The following TTLL7 variants were observed in gnomAD, a reference collection of about 807,000 sequenced individuals.
TTLL7 encodes the protein tubulin polyglutamylase TTLL7.
TTLL7 carries 53 observed loss-of-function variants against 120.2 expected under a neutral mutation model. The observed-to-expected ratio is 0.44, with a 90% CI of 0.35 to 0.55. TTLL7 has a LOEUF of 0.55. TTLL7 is among the 20% of genes least tolerant of loss of function. The probability of loss-of-function intolerance (pLI) is 0.00; values close to 1 mark genes in which losing one functional copy is unlikely to be tolerated. For synonymous variants in TTLL7, 353 were observed against 351.7 expected, an observed-to-expected ratio of 1.00 and a Z score of -0.04; for missense variants, 803 against 1,054.7, an observed-to-expected ratio of 0.76 and a Z score of 3.31.
intron 14 of TTLL7, 103 bp downstream of exon 14, chr1:83,917,501 G>T (rs1444966713): frequency 6.3e-6 from 5 of 796,682 alleles, no homozygotes; most frequent in Non-Finnish European, 1.0e-5. Flanking sequence ...CACAGTCCCT[G>T]TGGTTCCTTT....
intron 20 of TTLL7, among the ~76,000 whole-genome samples, chr1:83,880,730 G>T (rs1248358507): frequency 1.3e-5 from 2 of 151,960 alleles, no homozygotes; most frequent in African/African-American, 4.8e-5. Context: ...TCACAGAATT[G>T]GAAAAAACTA....
intron 1 of TTLL7, among the ~76,000 whole-genome samples, chr1:83,995,465 T>C (rs568603934): frequency 2.4e-4 from 36 of 151,766 alleles, no homozygotes; most frequent in Non-Finnish European, 4.3e-4. Context: ...TCACTCTCTC[T>C]CTTGCTCCTG....
At chr1:83,985,245 C>T (rs557177319) in intron 1 of TTLL7, among the ~76,000 whole-genome samples, 16 of 152,208 alleles carry the variant, frequency 1.1e-4, no homozygotes, top group Non-Finnish European at 1.9e-4. Flanking sequence ...TGGCAATTCC[C>T]TGGTGCAAGT....
intron 19 of TTLL7, among the ~76,000 whole-genome samples, chr1:83,887,930 ATAAATAC>A (rs1655097666): frequency 6.6e-6 from 1 of 152,076 alleles, no homozygotes; most frequent in Non-Finnish European, 1.5e-5. Flanking sequence ...TAAACCTTCA[ATAAATAC>A]TACTTACTAT....
At chr1:83,898,895 T>G (rs542255997) in intron 18 of TTLL7, among the ~76,000 whole-genome samples, 6 of 152,026 alleles carry the variant, frequency 3.9e-5, no homozygotes, top group South Asian at 4.1e-4. Context: ...GAAAAAATTT[T>G]TTTTAAAAAA....
At chr1:83,940,807 A>T (rs759463296) in intron 7 of TTLL7, among the ~76,000 whole-genome samples, 2 of 152,126 alleles carry the variant, frequency 1.3e-5, no homozygotes, top group Non-Finnish European at 2.9e-5. Context: ...TACTCTAATC[A>T]TTCCCATCCA....
At chr1:83,961,604 T>A (rs1453322772) in intron 1 of TTLL7, among the ~76,000 whole-genome samples, 1 of 152,098 alleles carries the variant, frequency 6.6e-6, no homozygotes, top group Non-Finnish European at 1.5e-5. Flanking sequence ...ACTCAATAAG[T>A]GGTGAATTAA....
At chr1:83,930,604 C>G (rs1469471092) in intron 9 of TTLL7, among the ~76,000 whole-genome samples, 2 of 152,140 alleles carry the variant, frequency 1.3e-5, no homozygotes. Context: ...AAGTTTCAAC[C>G]ATACTGATTC....
chr1:83,964,970 A>C (rs1489427115), intron 1 of TTLL7, among the ~76,000 whole-genome samples: 1 of 152,126 alleles, frequency 6.6e-6, no homozygotes, highest in Non-Finnish European at 1.5e-5. Context: ...TAGAAAAAAA[A>C]TGTGCATTCT....
At position 83,943,378 on chromosome 1, in the gene TTLL7, A is replaced by C. The variant is rs888404610; in HGVS notation, c.507-699T>G. Among the ~76,000 whole-genome samples the C allele has an allele frequency of 2.6e-5, 4 of 152,310 alleles. No individual in the cohort carries two copies. In the East Asian group the frequency reaches 5.8e-4, roughly 22 times the overall value. ...TCAAGAAAGACCCGAGAAGGCCCTA[A>C]GCTGTCCCCTCTGGCTAACCATCAG... On this transcript the variant is annotated intron_variant, in intron 6 of 20. Coordinates refer to ENST00000260505, the MANE Select transcript of TTLL7 (RefSeq NM_024686.6).
intron 18 of TTLL7, among the ~76,000 whole-genome samples, chr1:83,898,425 T>C (rs2100746814): frequency 6.6e-6 from 1 of 152,122 alleles, no homozygotes; most frequent in East Asian, 1.9e-4. Context: ...AAAGAAGTTC[T>C]GAGAAGTCAC....
intron 10 of TTLL7, among the ~76,000 whole-genome samples, chr1:83,927,786 T>G (rs1374905307): frequency 6.6e-6 from 1 of 152,174 alleles, no homozygotes; most frequent in Non-Finnish European, 1.5e-5. Context: ...GAAAATTAAT[T>G]CTATTTAATA....
intron 1 of TTLL7, among the ~76,000 whole-genome samples, chr1:83,973,134 A>C (rs1651146569): frequency 6.6e-6 from 1 of 152,038 alleles, no homozygotes; most frequent in Non-Finnish European, 1.5e-5. Context: ...TATAGTTAAA[A>C]TGTCATTGCC....
At chr1:83,898,193 C>A (rs1240784984) in intron 18 of TTLL7, among the ~76,000 whole-genome samples, 2 of 151,882 alleles carry the variant, frequency 1.3e-5, no homozygotes, top group Non-Finnish European at 2.9e-5. Flanking sequence ...TATAGGCCAA[C>A]AGACAATTTT....
In TTLL7 at chr1:83,932,382, C is replaced by T. The variant is rs761058955; in HGVS notation, c.1047+1226G>A. Among the ~76,000 whole-genome samples the T allele has an allele frequency of 1.1e-3, 160 of 152,214 alleles. 3 individuals carry two copies. Among genetic ancestry groups the T allele is most frequent in the Non-Finnish European group, 2.4e-4 (16 of 68,008 alleles). On this transcript the variant is annotated intron_variant, in intron 9 of 20. Transcript: ENST00000260505. ...TTAGCAAGATGAAGGGTCCATAGTG[C>T]ATAGTCAAGTGTTTTCATATCCAAG...
At chr1:83,895,867 G>T (rs904748911) in intron 18 of TTLL7, among the ~76,000 whole-genome samples, 6 of 152,082 alleles carry the variant, frequency 3.9e-5, no homozygotes, top group Non-Finnish European at 5.9e-5. Context: ...TATTTGGGAG[G>T]AGAGTGGGAT....
chr1:83,985,703 A>C (rs1301306523), intron 1 of TTLL7, among the ~76,000 whole-genome samples: 1 of 152,146 alleles, frequency 6.6e-6, no homozygotes, highest in Non-Finnish European at 1.5e-5. Flanking sequence ...ATAAATAAAT[A>C]AATAAACAAA....
chr1:83,995,162 T>C (rs1181969067), intron 1 of TTLL7, among the ~76,000 whole-genome samples: 2 of 152,130 alleles, frequency 1.3e-5, no homozygotes, highest in Non-Finnish European at 2.9e-5. Flanking sequence ...GACTATAATC[T>C]GAGGAGCCAC....
At chr1:83,931,002 G>GTT (rs1184230874) in intron 9 of TTLL7, among the ~76,000 whole-genome samples, 5 of 136,932 alleles carry the variant, frequency 3.7e-5, no homozygotes, top group African/African-American at 1.3e-4. Flanking sequence ...GGTTGTTCTT[G>GTT]TTTTTTTTTT....
Sources: allele counts gnomAD v4.1 joint callset (sites outside exome capture counted in the v4.1 genomes callset), GRCh38; gene constraint gnomAD v4.1.1; transcripts MANE v1.5; gene names NCBI Gene and HGNC (gene_info 2026-07-23, HGNC 2026-07-21).